TRAF3: variants seen among roughly 807,000 people sequenced by gnomAD.
TRAF3 encodes TNF receptor-associated factor 3.
A neutral mutation model predicts 62.3 loss-of-function variants in TRAF3; 13 were observed. The observed-to-expected ratio is 0.21, with a 90% CI of 0.14 to 0.33. TRAF3 has a LOEUF of 0.33. Ranked by LOEUF, TRAF3 falls within the 10% of genes least tolerant of loss-of-function variation. The pLI is 1.00. For missense variants in TRAF3, 440 were observed against 741.8 expected (o/e 0.59, Z 4.73); for synonymous variants, 269 against 283.4 (o/e 0.95, Z 0.51).
chr14:102,884,843 G>A (rs991537329), intron 6 of TRAF3, among the ~76,000 whole-genome samples: 4 of 151,888 alleles, frequency 2.6e-5, no homozygotes, highest in Non-Finnish European at 5.9e-5. Context: ...ACATATATAT[G>A]TGCTTAACCA....
chr14:102,854,311 G>T (rs546570486), intron 2 of TRAF3, among the ~76,000 whole-genome samples: 5 of 152,276 alleles, frequency 3.3e-5, no homozygotes, highest in Non-Finnish European at 1.5e-5. Flanking sequence ...AGATGGAATT[G>T]TTGGGTCATA....
At chr14:102,818,497 T>A (rs80020828) in intron 1 of TRAF3, among the ~76,000 whole-genome samples, 1 of 152,320 alleles carries the variant, frequency 6.6e-6, no homozygotes, top group African/African-American at 2.4e-5. Context: ...GGAGCTTGAT[T>A]TGAGATGAGT....
At chr14:102,791,942 A>G (rs1347009374) in intron 1 of TRAF3, among the ~76,000 whole-genome samples, 1 of 151,804 alleles carries the variant, frequency 6.6e-6, no homozygotes, top group African/African-American at 2.4e-5. Context: ...CCTCCTGAGT[A>G]GGTGGGACCA....
At chr14:102,893,663 A>G (rs12588538) in intron 9 of TRAF3, among the ~76,000 whole-genome samples, 21,903 of 152,156 alleles carry the variant, frequency 0.14, 2,128 homozygotes, top group East Asian at 0.26. Flanking sequence ...CACTCTGTCA[A>G]TGCCTCATGT....
intron 2 of TRAF3, among the ~76,000 whole-genome samples, chr14:102,847,608 T>C (rs914639430): frequency 2.0e-5 from 3 of 152,238 alleles, no homozygotes; most frequent in Non-Finnish European, 4.4e-5. Context: ...CCTTTTTTTA[T>C]TGAAGTCCTT....
chr14:102,907,723 T>A lies in TRAF3; in HGVS notation c.*1939T>A, dbSNP rs1890654036. On this transcript the variant is annotated 3_prime_UTR_variant, in exon 12 of 12. Transcript: ENST00000392745. ...GGTGTGCCTTCGCCCCAGTGCCTGC[T>A]GGAAGTGCCCTCCGTCGCACCCCTG... is the stretch of plus-strand genomic sequence containing the variant. The A allele has an allele frequency of 6.6e-6, 1 of 152,418 alleles. No homozygotes were observed. Among genetic ancestry groups the A allele is most frequent in the Admixed American group, 6.5e-5 (1 of 15,290 alleles). The allele number at this position is 152,418 out of a possible 1,614,324, so 9.4% of individuals were successfully genotyped here. A position where few individuals can be genotyped will look rare whatever the true frequency, so the allele number is the denominator to read the frequency against.
chr14:102,892,635 C>G (rs1315217221), intron 9 of TRAF3, among the ~76,000 whole-genome samples: 1 of 152,228 alleles, frequency 6.6e-6, no homozygotes, highest in Admixed American at 6.5e-5. Context: ...TGAATTAGAA[C>G]AGCCAGTGGA....
chr14:102,811,819 C>G (rs1302421368), intron 1 of TRAF3, among the ~76,000 whole-genome samples: 2 of 144,132 alleles, frequency 1.4e-5, no homozygotes, highest in African/African-American at 5.1e-5. Flanking sequence ...GCAGTCATAA[C>G]TTACTGTAAC....
chr14:102,796,209 G>T (rs1271797972), intron 1 of TRAF3, among the ~76,000 whole-genome samples: 5 of 152,196 alleles, frequency 3.3e-5, no homozygotes, highest in Non-Finnish European at 7.3e-5. Flanking sequence ...CAGCAAGACT[G>T]TCTCAAAAAC....
At chr14:102,829,391 C>T (rs1291648058) in intron 1 of TRAF3, among the ~76,000 whole-genome samples, 2 of 152,228 alleles carry the variant, frequency 1.3e-5, no homozygotes, top group Non-Finnish European at 2.9e-5. Flanking sequence ...TCAGTTCTTT[C>T]TCTGGTGATG....
chr14:102,902,015 C>T (rs1052957242), intron 10 of TRAF3, among the ~76,000 whole-genome samples: 3 of 152,246 alleles, frequency 2.0e-5, no homozygotes, highest in Admixed American at 1.3e-4. Context: ...AAGTCCCTGG[C>T]TTCATCTCAC....
chr14:102,830,001 C>G (rs570711021), intron 1 of TRAF3, among the ~76,000 whole-genome samples: 1 of 152,228 alleles, frequency 6.6e-6, no homozygotes, highest in Non-Finnish European at 1.5e-5. Context: ...ATAAATAAAA[C>G]TAGTTTCCCT....
intron 1 of TRAF3, among the ~76,000 whole-genome samples, chr14:102,786,616 G>A (rs1897513955): frequency 6.6e-6 from 1 of 152,156 alleles, no homozygotes; most frequent in Admixed American, 6.5e-5. Context: ...GAACCCGGGA[G>A]GCAGAGGTTG....
rs749676037 is a variant in TRAF3 at position 102,903,607 on chromosome 14, C to CA, written c.1135+181dup. The stretch of plus-strand genomic sequence containing the variant: ...CCTACTGAAAGTCCCCCAGCAAAGA[C>CA]AAACGTTTCCCGCGCAGGCTTGTCC... On this transcript the variant is annotated intron_variant, in intron 11 of 11. Coordinates refer to ENST00000392745, the MANE Select transcript of TRAF3 (RefSeq NM_145725.3). The surrounding 1 kb of genome is among the most constrained non-coding windows in gnomAD (Gnocchi z 6.4). 4 of 937,330 alleles carry CA rather than the reference C, an allele frequency of 4.3e-6. No individual in the cohort carries two copies. The South Asian group carries it at 5.6e-5, about 13-fold the overall frequency. 58.1% of individuals were successfully genotyped at this position (937,330 alleles called of 1,614,324 possible). A position where few individuals can be genotyped will look rare whatever the true frequency, so the allele number is the denominator to read the frequency against.
intron 1 of TRAF3, among the ~76,000 whole-genome samples, chr14:102,822,164 C>G (rs935316270): frequency 1.3e-5 from 2 of 152,122 alleles, no homozygotes; most frequent in African/African-American, 4.8e-5. Context: ...TGAATGTATT[C>G]TGGGAAAATG....
At chr14:102,905,133 G>A (rs899968686) in intron 11 of TRAF3, 80 bp from the exon 12 acceptor site, 9 of 1,372,352 alleles carry the variant, frequency 6.6e-6, no homozygotes, top group African/African-American at 1.4e-5. Flanking sequence ...ATAAAATAAC[G>A]AGTGCTGGTG....
chr14:102,778,054 C>T (rs573572528), intron 1 of TRAF3, among the ~76,000 whole-genome samples: 1 of 150,386 alleles, frequency 6.6e-6, no homozygotes, highest in African/African-American at 2.4e-5. Context: ...GGGTTTCACG[C>T]GGGGGGACGG....
At chr14:102,853,557 G>A (rs1274486496) in intron 2 of TRAF3, among the ~76,000 whole-genome samples, 2 of 152,158 alleles carry the variant, frequency 1.3e-5, no homozygotes, top group African/African-American at 2.4e-5. Flanking sequence ...TGTTACGGCC[G>A]GGCGTGGTGG....
chr14:102,813,015 C>T (rs985908259), intron 1 of TRAF3, among the ~76,000 whole-genome samples: 9 of 152,134 alleles, frequency 5.9e-5, no homozygotes, highest in Admixed American at 3.3e-4. Flanking sequence ...CTCGCTCTGT[C>T]GCCAGGTTGG....
Sources: allele counts gnomAD v4.1 joint callset (sites outside exome capture counted in the v4.1 genomes callset), GRCh38; gene constraint gnomAD v4.1.1; non-coding constraint Gnocchi (gnomAD v3.1); transcripts MANE v1.5; gene names NCBI Gene and HGNC (gene_info 2026-07-23, HGNC 2026-07-21).